HMGCLL1: variants seen among roughly 807,000 people sequenced by gnomAD.
HMGCLL1 encodes the protein 3-hydroxy-3-methylglutaryl-CoA lyase like 1.
Under a neutral mutation model 39.1 loss-of-function variants are expected in HMGCLL1, and 36 were observed. That is an observed-to-expected ratio of 0.92 (90% CI 0.71 to 1.22). The LOEUF (loss-of-function observed/expected upper bound fraction) is 1.22. HMGCLL1 is among the 50% of genes most tolerant of loss of function. The pLI is 0.00. For synonymous variants in HMGCLL1, 149 were observed against 144.0 expected (o/e 1.03, Z -0.25); for missense variants, 451 against 416.5 (o/e 1.08, Z -0.72).
chr6:55,487,903 T>C (rs1187977838), intron 7 of HMGCLL1, among the ~76,000 whole-genome samples: 1 of 152,076 alleles, frequency 6.6e-6, no homozygotes, highest in African/African-American at 2.4e-5. Flanking sequence ...TCTGGGTTAT[T>C]ATGACACTTT....
the HMGCLL1 span, among the ~76,000 whole-genome samples, chr6:55,633,556 A>C: frequency 6.6e-6 from 1 of 152,136 alleles, no homozygotes; most frequent in South Asian, 2.1e-4. Flanking sequence ...TTTTCTGCAT[A>C]ACCATTTTAT....
the HMGCLL1 span, among the ~76,000 whole-genome samples, chr6:55,636,564 T>C: frequency 1.3e-5 from 2 of 152,256 alleles, no homozygotes; most frequent in South Asian, 2.1e-4. Flanking sequence ...TGGCTTAGTG[T>C]AAGGATTCAT....
intron 7 of HMGCLL1, among the ~76,000 whole-genome samples, chr6:55,472,130 G>T (rs568636174): frequency 6.6e-6 from 1 of 151,626 alleles, no homozygotes; most frequent in East Asian, 1.9e-4. Flanking sequence ...CATATCTTTT[G>T]GTGAATACAT....
At chr6:55,457,444 C>A (rs1764372860) in intron 7 of HMGCLL1, among the ~76,000 whole-genome samples, 1 of 152,108 alleles carries the variant, frequency 6.6e-6, no homozygotes. Flanking sequence ...CACATTTATT[C>A]TAAAAACCCC....
chr6:55,589,032 G>T, the HMGCLL1 span, among the ~76,000 whole-genome samples: 1 of 152,050 alleles, frequency 6.6e-6, no homozygotes, highest in South Asian at 2.1e-4. Flanking sequence ...AGAAAAAGAG[G>T]GAATCCTCCC....
chr6:55,507,792 A>G (rs9475329), intron 5 of HMGCLL1, among the ~76,000 whole-genome samples: 102,384 of 151,492 alleles, frequency 0.68, 34,622 homozygotes, highest in Non-Finnish European at 0.7. Flanking sequence ...CTCCCACATT[A>G]TATTTTATTT....
intron 5 of HMGCLL1, among the ~76,000 whole-genome samples, chr6:55,501,952 C>A (rs1458244697): frequency 1.3e-5 from 2 of 151,748 alleles, no homozygotes; most frequent in African/African-American, 2.4e-5. Flanking sequence ...AAGTTTTACC[C>A]AGACCCGTTC....
At chr6:55,584,680 T>G in the HMGCLL1 span, among the ~76,000 whole-genome samples, 2 of 152,058 alleles carry the variant, frequency 1.3e-5, no homozygotes, top group African/African-American at 4.8e-5. Context: ...TCTTGTGAGT[T>G]TCTTTGGTCC....
the HMGCLL1 span, among the ~76,000 whole-genome samples, chr6:55,663,680 C>A: frequency 6.6e-6 from 1 of 151,778 alleles, no homozygotes; most frequent in African/African-American, 2.4e-5. Context: ...CTGGAGAGGT[C>A]TATCAGATCC....
In HMGCLL1 at chr6:55,498,138, T is replaced by C. The variant is rs375626064; in HGVS notation, c.606+1098A>G. Among the ~76,000 whole-genome samples the C allele has an allele frequency of 8.8e-4, 134 of 152,286 alleles. 1 individual carries two copies. In the Middle Eastern group the frequency reaches 0.017, roughly 19 times the overall value. Reference sequence around the variant, plus strand: ...ACCCAAGGTGTGTGTGGTTCATTCCTACGTGGTGCACAGCAAAAGGAAGAA... The same window carrying C: ...ACCCAAGGTGTGTGTGGTTCATTCCCACGTGGTGCACAGCAAAAGGAAGAA... On this transcript the variant is annotated intron_variant, in intron 6 of 8. Coordinates refer to ENST00000274901, the MANE Select transcript of HMGCLL1 (RefSeq NM_001042406.2).
the HMGCLL1 span, among the ~76,000 whole-genome samples, chr6:55,631,650 T>A: frequency 0.014 from 2,155 of 152,172 alleles, 43 homozygotes; most frequent in African/African-American, 0.049. Context: ...TCTTAGAAAT[T>A]TAACAATGCA....
At chr6:55,477,302 TA>T (rs1765436399) in intron 7 of HMGCLL1, among the ~76,000 whole-genome samples, 1 of 14,168 alleles carries the variant, frequency 7.1e-5, no homozygotes, top group African/African-American at 5.5e-4. Context: ...AAATAATATA[TA>T]TTATATATAT....
chr6:55,624,934 G>A, the HMGCLL1 span, among the ~76,000 whole-genome samples: 9 of 152,064 alleles, frequency 5.9e-5, no homozygotes, highest in Non-Finnish European at 1.0e-4. Flanking sequence ...TTTTAATGTG[G>A]TCCAGAACAG....
At chr6:55,591,579 T>A in the HMGCLL1 span, among the ~76,000 whole-genome samples, 8 of 152,002 alleles carry the variant, frequency 5.3e-5, no homozygotes, top group African/African-American at 1.4e-4. Context: ...TTCCCTTTTT[T>A]TCCCCTTGGT....
the HMGCLL1 span, among the ~76,000 whole-genome samples, chr6:55,642,598 C>G: frequency 6.6e-6 from 1 of 152,140 alleles, no homozygotes; most frequent in African/African-American, 2.4e-5. Context: ...CTTTGTGTTA[C>G]AAACAATCCA....
Position 55,577,128 on chromosome 6 carries a change from C to T in HMGCLL1, c.108+1820G>A, listed in dbSNP as rs756500101. 8.1e-6 allele frequency: 13 copies of T among 1,610,296 alleles called. No homozygotes were observed. The South Asian group carries it at 1.3e-4, about 16-fold the overall frequency. On this transcript the variant is annotated intron_variant, in intron 1 of 8. Transcript: ENST00000274901. ...GCCAAGGAGACTGAGAAGCCAGAGA[C>T]ATCGGGCTGAAAGCAGTGAAGGTTT...
At chr6:55,593,114 G>A in the HMGCLL1 span, among the ~76,000 whole-genome samples, 1 of 151,948 alleles carries the variant, frequency 6.6e-6, no homozygotes, top group Admixed American at 6.6e-5. Flanking sequence ...CCTGTTCACT[G>A]AGCTGTTGAG....
the HMGCLL1 span, among the ~76,000 whole-genome samples, chr6:55,628,413 C>G: frequency 4.1e-3 from 617 of 150,830 alleles, 3 homozygotes; most frequent in Non-Finnish European, 6.8e-3. Flanking sequence ...ACAATTCTCC[C>G]TGCCTCAGCC....
At chr6:55,619,414 T>A in the HMGCLL1 span, among the ~76,000 whole-genome samples, 1 of 152,144 alleles carries the variant, frequency 6.6e-6, no homozygotes, top group Non-Finnish European at 1.5e-5. Context: ...CCTTTTCGCA[T>A]ATTTCAAATT....
Sources: gnomAD v4.1 joint callset for allele counts (sites outside exome capture counted in the v4.1 genomes callset) on GRCh38, gnomAD v4.1.1 for gene constraint, MANE v1.5 for transcripts, NCBI Gene and HGNC (gene_info 2026-07-23, HGNC 2026-07-21) for gene names.